The following TCP11L2 variants were observed in gnomAD, a reference collection of about 807,000 sequenced individuals.
TCP11L2 encodes T-complex protein 11-like protein 2.
Under a neutral mutation model 50.7 loss-of-function variants are expected in TCP11L2, and 39 were observed. The observed-to-expected ratio is 0.77, with a 90% CI of 0.60 to 1.01. The LOEUF is 1.01. Ranked by LOEUF, TCP11L2 falls within the 50% of genes least tolerant of loss-of-function variation. The probability of loss-of-function intolerance (pLI) is 0.00; values close to 1 mark genes in which losing one functional copy is unlikely to be tolerated. For missense variants in TCP11L2, 612 were observed against 614.7 expected (o/e 1.00, Z 0.05); for synonymous variants, 192 against 219.3 (o/e 0.88, Z 1.10).
chr12:106,298,822 C>T (rs530995860), upstream of TCP11L2, among the ~76,000 whole-genome samples: 2 of 149,954 alleles, frequency 1.3e-5, no homozygotes, highest in South Asian at 4.2e-4. Context: ...CATGCCCGGC[C>T]ATTTTTTTTT....
At position 106,336,214 on chromosome 12, in the gene TCP11L2, G is replaced by A. The variant is rs143145369; in HGVS notation, c.1142+1G>A. 214 of 1,601,922 alleles carry A rather than the reference G, an allele frequency of 1.3e-4. 1 individual carries two copies. The highest frequency in any genetic ancestry group is 4.1e-5 in the African/African-American group (3 of 74,072). On this transcript the variant is annotated splice_donor_variant, in intron 8 of 9. Coordinates refer to ENST00000299045, the MANE Select transcript of TCP11L2 (RefSeq NM_152772.3). LOFTEE classifies it high-confidence loss of function. ...TTCTACTTGAAGGCATGAACAAAGA[G>A]TAAGTTCCAAATTTTTGCATCTGCT...
intron 6 of TCP11L2, chr12:106,324,157 G>A (rs1283251769): frequency 6.6e-6 from 1 of 152,182 alleles, no homozygotes; most frequent in African/African-American, 2.4e-5. Context: ...ATAGGATAAA[G>A]GGACAGTAAT....
intron 9 of TCP11L2, among the ~76,000 whole-genome samples, chr12:106,342,405 G>C (rs1169781454): frequency 1.3e-5 from 2 of 152,166 alleles, no homozygotes; most frequent in Non-Finnish European, 2.9e-5. Flanking sequence ...CTGTGGCCAA[G>C]CCCTTATCTA....
chr12:106,322,373 G>A (rs1438870194), intron 5 of TCP11L2, among the ~76,000 whole-genome samples: 1 of 152,154 alleles, frequency 6.6e-6, no homozygotes, highest in Non-Finnish European at 1.5e-5. Context: ...CTTTGACCAT[G>A]ACTAGTCACA....
At chr12:106,323,363 A>C (rs1010921829) in intron 5 of TCP11L2, 147 bp from the exon 6 acceptor site, 4 of 563,286 alleles carry the variant, frequency 7.1e-6, no homozygotes, top group Non-Finnish European at 8.8e-6. Flanking sequence ...ATGAGCTTCT[A>C]TGAAACATGA....
At chr12:106,316,251 T>C (rs1428046919) in intron 3 of TCP11L2, among the ~76,000 whole-genome samples, 1 of 95,162 alleles carries the variant, frequency 1.1e-5, no homozygotes, top group African/African-American at 3.3e-5. Context: ...TCATCTTCCA[T>C]ATCCAGTAGC....
In TCP11L2 at chr12:106,346,850, C is replaced by T. The variant is rs1481694930; in HGVS notation, c.*320C>T. The T allele has an allele frequency of 4.6e-6, 1 of 215,268 alleles. No homozygotes were observed. The highest frequency in any genetic ancestry group is 5.2e-5 in the Admixed American group (1 of 19,052). 13.3% of individuals were successfully genotyped at this position (215,268 alleles called of 1,614,324 possible). On this transcript the variant is annotated 3_prime_UTR_variant, in exon 10 of 10. Transcript: ENST00000299045. Reference sequence around the variant, plus strand: ...TGTTTTCTTAACCATTTATATTTGGCTTATGACATTTAACCCCTAAGGAGT... The same window carrying T: ...TGTTTTCTTAACCATTTATATTTGGTTTATGACATTTAACCCCTAAGGAGT...
Position 106,346,689 on chromosome 12 carries a change from A to T in TCP11L2, c.*159A>T. ...AATATTAGCATTACAGAAGACACAC[A>T]CATCACATAGACCCTCAGAAGACGT... On this transcript the variant is annotated 3_prime_UTR_variant, in exon 10 of 10. Transcript: ENST00000299045. The T allele has an allele frequency of 2.4e-6, 2 of 820,798 alleles. No homozygotes were observed. Among genetic ancestry groups the T allele is most frequent in the South Asian group, 4.4e-5 (2 of 44,948 alleles). The allele number at this position is 820,798 out of a possible 1,614,324, so 50.8% of individuals were successfully genotyped here.
At chr12:106,302,160 G>C (rs1317012569), upstream of TCP11L2, among the ~76,000 whole-genome samples, 1 of 152,186 alleles carries the variant, frequency 6.6e-6, no homozygotes, top group East Asian at 1.9e-4. Flanking sequence ...GCCCCGTCTA[G>C]ACAGGGGTGT....
At chr12:106,297,991 G>A (rs2034374329), upstream of TCP11L2, among the ~76,000 whole-genome samples, 1 of 152,230 alleles carries the variant, frequency 6.6e-6, no homozygotes, top group Non-Finnish European at 1.5e-5. Context: ...AAGGGGCCCA[G>A]GGTGGGGTGT....
At chr12:106,314,953 C>T (rs1401316790) in intron 3 of TCP11L2, among the ~76,000 whole-genome samples, 2 of 150,206 alleles carry the variant, frequency 1.3e-5, no homozygotes, top group Non-Finnish European at 2.9e-5. Context: ...CTGCAGTGAG[C>T]TCTCATCATG....
intron 5 of TCP11L2, among the ~76,000 whole-genome samples, chr12:106,323,249 A>G (rs1218100371): frequency 6.6e-6 from 1 of 152,144 alleles, no homozygotes; most frequent in Non-Finnish European, 1.5e-5. Context: ...AGGGGTTTTC[A>G]AATGAAAATT....
intron 6 of TCP11L2, among the ~76,000 whole-genome samples, chr12:106,326,368 T>G (rs1301199630): frequency 6.6e-6 from 1 of 152,116 alleles, no homozygotes; most frequent in African/African-American, 2.4e-5. Flanking sequence ...CCCTCCCTGT[T>G]GACAGCAACT....
chr12:106,343,764 C>T lies in TCP11L2; in HGVS notation c.1316-2522C>T, dbSNP rs368877454. 1.0e-3 allele frequency among the ~76,000 whole-genome samples: 157 copies of T among 151,676 alleles called. 4 individuals carry two copies. In the East Asian group the frequency reaches 0.017, roughly 17 times the overall value. On this transcript the variant is annotated intron_variant, in intron 9 of 9. Coordinates refer to ENST00000299045, the MANE Select transcript of TCP11L2 (RefSeq NM_152772.3). ...CTGCCTCCTGGGTTCAAGAAGAATA[C>T]TTCTGCCCCAGCCTCCCTAGTAGCT...
intron 4 of TCP11L2, among the ~76,000 whole-genome samples, chr12:106,319,127 G>A (rs1314911668): frequency 1.3e-5 from 2 of 152,110 alleles, no homozygotes; most frequent in Non-Finnish European, 2.9e-5. Flanking sequence ...TAGCCAGGAT[G>A]GTCTCGATCT....
intron 9 of TCP11L2, among the ~76,000 whole-genome samples, chr12:106,342,020 G>A (rs2036106078): frequency 6.6e-6 from 1 of 152,112 alleles, no homozygotes; most frequent in South Asian, 2.1e-4. Flanking sequence ...AATAAAATCA[G>A]AGTATTGTGG....
chr12:106,321,238 T>A (rs2035322877), intron 4 of TCP11L2, among the ~76,000 whole-genome samples: 1 of 152,238 alleles, frequency 6.6e-6, no homozygotes, highest in African/African-American at 2.4e-5. Flanking sequence ...CCTTGCTAGC[T>A]GTTTTTATTC....
At chr12:106,337,268 C>A (rs1384392002) in intron 8 of TCP11L2, among the ~76,000 whole-genome samples, 1 of 152,196 alleles carries the variant, frequency 6.6e-6, no homozygotes, top group African/African-American at 2.4e-5. Context: ...AAATCCTAGA[C>A]TATTAAGAGC....
At chr12:106,315,686 C>T (rs1027481060) in intron 3 of TCP11L2, among the ~76,000 whole-genome samples, 1 of 152,144 alleles carries the variant, frequency 6.6e-6, no homozygotes, top group Non-Finnish European at 1.5e-5. Context: ...ATCACAGCTG[C>T]AAGAGGCACT....
Sources: gnomAD v4.1 joint callset for allele counts (sites outside exome capture counted in the v4.1 genomes callset) on GRCh38, gnomAD v4.1.1 for gene constraint, MANE v1.5 for transcripts, NCBI Gene and HGNC (gene_info 2026-07-23, HGNC 2026-07-21) for gene names.